The following DLG1 variants were observed in gnomAD, a reference collection of about 807,000 sequenced individuals.
DLG1 encodes discs large MAGUK scaffold protein 1, also known as disks large homolog 1.
A neutral mutation model predicts 123.4 loss-of-function variants in DLG1; 42 were observed. The ratio of observed to expected loss-of-function variants is 0.34; its 90% confidence interval spans 0.27 to 0.44. The LOEUF (loss-of-function observed/expected upper bound fraction) is 0.44, where lower values mean the gene tolerates loss of function less well. Among genes scored for constraint, DLG1 ranks in the 20% least tolerant of loss-of-function variants. The pLI is 1.00. For missense variants in DLG1, 942 were observed against 1,082.6 expected (o/e 0.87, Z 1.82); for synonymous variants, 317 against 356.2 (o/e 0.89, Z 1.24).
intron 5 of DLG1, among the ~76,000 whole-genome samples, chr3:197,170,075 T>A (rs1803387254): frequency 6.6e-6 from 1 of 152,224 alleles, no homozygotes; most frequent in African/African-American, 2.4e-5. Flanking sequence ...CCCATGTTTC[T>A]GCAAAGGACA....
intron 22 of DLG1, among the ~76,000 whole-genome samples, 189 bp downstream of exon 22, chr3:197,065,087 C>A (rs1738654540): frequency 6.6e-6 from 1 of 150,954 alleles, no homozygotes; most frequent in Non-Finnish European, 1.5e-5. Context: ...TTTTCACTTT[C>A]TTTGTTTACC....
Position 197,055,499 on chromosome 3 carries a change from CTGTTT to C in DLG1, c.2484-3836_2484-3832del, listed in dbSNP as rs1294688054. ...AATTCTCTTCCTTTCCCAGGGTTTG[CTGTTT>C]TATTTAAAATTTAATTTTATTGTTT... On this transcript the variant is annotated intron_variant, in intron 23 of 24. Coordinates refer to ENST00000667157, the MANE Select transcript of DLG1 (RefSeq NM_001366207.1). 4.6e-5 allele frequency among the ~76,000 whole-genome samples: 7 copies of C among 152,172 alleles called. No individual in the cohort carries two copies. The East Asian group carries it at 1.2e-3, about 25-fold the overall frequency.
chr3:197,246,742 C>T (rs1247526480), intron 4 of DLG1, among the ~76,000 whole-genome samples: 2 of 152,110 alleles, frequency 1.3e-5, no homozygotes, highest in South Asian at 2.1e-4. Flanking sequence ...ACAGGAATAG[C>T]GATGGGTAGG....
intron 12 of DLG1, among the ~76,000 whole-genome samples, chr3:197,116,391 A>G (rs1206285322): frequency 6.6e-6 from 1 of 152,210 alleles, no homozygotes; most frequent in African/African-American, 2.4e-5. Context: ...TACTCATGAA[A>G]AGCTGATGTT....
intron 18 of DLG1, 33 bp from the exon 19 acceptor site, chr3:197,069,293 C>T: frequency 2.0e-6 from 3 of 1,499,358 alleles, no homozygotes; most frequent in Non-Finnish European, 2.7e-6. Context: ...AAAAATAAAA[C>T]AGTGTCATGA....
intron 17 of DLG1, 47 bp from the exon 18 acceptor site, chr3:197,076,732 T>C: frequency 1.4e-6 from 2 of 1,473,234 alleles, no homozygotes; most frequent in Non-Finnish European, 1.9e-6. Flanking sequence ...CTACTGTCTG[T>C]GTGTACAAAG....
At chr3:197,184,995 T>A (rs890031982) in intron 5 of DLG1, among the ~76,000 whole-genome samples, 7 of 152,122 alleles carry the variant, frequency 4.6e-5, no homozygotes, top group African/African-American at 7.2e-5. Flanking sequence ...TTAAAATGCT[T>A]CCCAAGTGAC....
intron 5 of DLG1, among the ~76,000 whole-genome samples, chr3:197,194,186 TG>T (rs1464811097): frequency 6.6e-6 from 1 of 152,178 alleles, no homozygotes; most frequent in African/African-American, 2.4e-5. Flanking sequence ...ATTTCCATCG[TG>T]GGAATTTTTA....
chr3:197,068,544 T>C, intron 19 of DLG1: 1 of 1,570,296 alleles, frequency 6.4e-7, no homozygotes, highest in Non-Finnish European at 8.6e-7. Flanking sequence ...ATTACTTTCA[T>C]ATTAGACAGC....
rs1452989685 is a variant in DLG1, at chr3:197,138,351, G to A, written c.754C>T (p.Arg252Cys). The A allele has an allele frequency of 5.7e-6, 9 of 1,565,276 alleles. No individual in the cohort carries two copies. Among genetic ancestry groups the A allele is most frequent in the African/African-American group, 1.3e-5 (1 of 74,124 alleles). Reference sequence around the variant, plus strand: ...ACTGCTTTGCTATGTGTTACATCACGAACATCTACTTCATTTACTCGTAAT... The same window carrying A: ...ACTGCTTTGCTATGTGTTACATCACAAACATCTACTTCATTTACTCGTAAT... ...CILRVNEVDVRDVTHSKAVEA... is the reference protein window; with the variant it reads ...CILRVNEVDVCDVTHSKAVEA... Residue 252 changes from arginine (R) to cysteine (C), a missense_variant, in exon 9 of 25, where the codon CGT becomes TGT. Coordinates refer to ENST00000667157, the MANE Select transcript of DLG1 (RefSeq NM_001366207.1).
chr3:197,221,555 T>A (rs1737066276), intron 4 of DLG1, among the ~76,000 whole-genome samples: 1 of 150,864 alleles, frequency 6.6e-6, no homozygotes, highest in Non-Finnish European at 1.5e-5. Context: ...AAAAGAAACA[T>A]AACAGGAAGC....
At chr3:197,116,311 A>C (rs1773248738) in intron 12 of DLG1, among the ~76,000 whole-genome samples, 1 of 151,960 alleles carries the variant, frequency 6.6e-6, no homozygotes, top group Non-Finnish European at 1.5e-5. Flanking sequence ...TATAAAACAG[A>C]AATGAAACCA....
chr3:197,165,112 T>C (rs1800769424), intron 5 of DLG1, among the ~76,000 whole-genome samples: 1 of 152,178 alleles, frequency 6.6e-6, no homozygotes, highest in Non-Finnish European at 1.5e-5. Context: ...GGTGGGATCA[T>C]GAGTGCCTTT....
intron 4 of DLG1, among the ~76,000 whole-genome samples, chr3:197,233,965 C>T (rs1009028076): frequency 6.6e-6 from 1 of 152,224 alleles, no homozygotes; most frequent in African/African-American, 2.4e-5. Flanking sequence ...ATGGTAAACA[C>T]ATTTGCTTCT....
chr3:197,201,002 A>G (rs1203255421), intron 4 of DLG1, among the ~76,000 whole-genome samples: 2 of 152,244 alleles, frequency 1.3e-5, no homozygotes, highest in African/African-American at 2.4e-5. Context: ...GGCAAGAGGA[A>G]AAAACAAAAG....
At chr3:197,213,551 A>T (rs902544871) in intron 4 of DLG1, among the ~76,000 whole-genome samples, 2 of 152,232 alleles carry the variant, frequency 1.3e-5, no homozygotes, top group African/African-American at 2.4e-5. Flanking sequence ...AGCTCAATGA[A>T]TGTAAATTAT....
intron 5 of DLG1, among the ~76,000 whole-genome samples, chr3:197,178,172 T>C (rs1389076452): frequency 6.6e-6 from 1 of 152,034 alleles, no homozygotes; most frequent in Non-Finnish European, 1.5e-5. Context: ...GGTGCTACCT[T>C]AGAGGAAGCA....
chr3:197,236,823 T>C (rs745842243), intron 4 of DLG1, among the ~76,000 whole-genome samples: 4 of 152,254 alleles, frequency 2.6e-5, no homozygotes, highest in Non-Finnish European at 5.9e-5. Context: ...TGTTAACATT[T>C]GCTGTTTTAT....
intron 10 of DLG1, 84 bp downstream of exon 10, chr3:197,136,458 T>C (rs951130647): frequency 8.8e-7 from 1 of 1,136,994 alleles, no homozygotes; most frequent in Non-Finnish European, 1.2e-6. Flanking sequence ...TTAGACCTTT[T>C]TGGTATGGAG....
Sources: gnomAD v4.1 joint callset for allele counts (sites outside exome capture counted in the v4.1 genomes callset) on GRCh38, gnomAD v4.1.1 for gene constraint, MANE v1.5 for transcripts, NCBI Gene and HGNC (gene_info 2026-07-23, HGNC 2026-07-21) for gene names.